Variants in UBE2QL1 observed in about 807,000 individuals in gnomAD.
The protein encoded by UBE2QL1 is ubiquitin-conjugating enzyme E2Q-like protein 1.
UBE2QL1 carries 5 observed loss-of-function variants against 12.6 expected under a neutral mutation model. That is an observed-to-expected ratio of 0.40 (90% CI 0.21 to 0.83). The LOEUF is 0.83. Among genes scored for constraint, UBE2QL1 ranks in the 40% least tolerant of loss-of-function variants. The probability of loss-of-function intolerance (pLI) is 0.37; values close to 1 mark genes in which losing one functional copy is unlikely to be tolerated. For synonymous variants in UBE2QL1, 96 were observed against 94.5 expected (o/e 1.02, Z -0.10); for missense variants, 99 against 222.6 (o/e 0.44, Z 3.53).
chr5:6,477,712 G>A (rs1734264950), intron 1 of UBE2QL1, among the ~76,000 whole-genome samples: 2 of 152,232 alleles, frequency 1.3e-5, no homozygotes, highest in South Asian at 2.1e-4. Context: ...GCAGGGAGAG[G>A]CTGCAGGCGG....
At chr5:6,484,931 C>T (rs1275427108) in intron 1 of UBE2QL1, among the ~76,000 whole-genome samples, 2 of 152,060 alleles carry the variant, frequency 1.3e-5, no homozygotes, top group Non-Finnish European at 2.9e-5. Flanking sequence ...AGAGCCTTCC[C>T]TCAGGTTACT....
chr5:6,491,376 A>C lies in UBE2QL1; in HGVS notation c.*27A>C, dbSNP rs1432345580. 1 of 1,536,596 alleles carries C rather than the reference A, an allele frequency of 6.5e-7. No homozygotes were observed. Among genetic ancestry groups the C allele is most frequent in the Admixed American group, 2.0e-5 (1 of 48,998 alleles). On this transcript the variant is annotated 3_prime_UTR_variant, in exon 2 of 2. Coordinates refer to ENST00000399816, the MANE Select transcript of UBE2QL1 (RefSeq NM_001145161.3). ...GTCTGCCACGTGCAGTAGACGCTCG[A>C]GCGCCTGTCCACACACACACCAGTA... is the stretch of plus-strand genomic sequence containing the variant.
chr5:6,477,275 G>A (rs567672018), intron 1 of UBE2QL1, among the ~76,000 whole-genome samples: 2 of 152,190 alleles, frequency 1.3e-5, no homozygotes, highest in Admixed American at 6.5e-5. Flanking sequence ...AGACCAAGTC[G>A]CCATTTTAGT....
rs1560933296 is a variant in UBE2QL1, at chr5:6,473,629, A to G, written c.355-17589A>G. Among the ~76,000 whole-genome samples, 4 of 152,260 alleles carry G rather than the reference A, an allele frequency of 2.6e-5. No individual in the cohort carries two copies. The South Asian group carries it at 6.2e-4, about 24-fold the overall frequency. On this transcript the variant is annotated intron_variant, in intron 1 of 1. Transcript: ENST00000399816. ...AATAGCTGAGCCTTTAGGATTTTCT[A>G]TGTAGGCAATTCTAGCATCTACAAA...
At position 6,491,484 on chromosome 5, in the gene UBE2QL1, TAAGTTA is replaced by T; in HGVS notation, c.*136_*141del. ...GCATCCTGAATGCCCAGGAGACGTTTAAGTTATTTATGAAAAGATGTGTGTACAGAG... is the reference window on the plus strand; with the variant it reads ...GCATCCTGAATGCCCAGGAGACGTTTTTTATGAAAAGATGTGTGTACAGAG... On this transcript the variant is annotated 3_prime_UTR_variant, in exon 2 of 2. Transcript: ENST00000399816. 8.2e-7 allele frequency: 1 copy of T among 1,216,594 alleles called. No homozygotes were observed. Among genetic ancestry groups the T allele is most frequent in the Non-Finnish European group, 1.1e-6 (1 of 909,944 alleles). 75.4% of individuals were successfully genotyped at this position (1,216,594 alleles called of 1,614,324 possible).
intron 1 of UBE2QL1, among the ~76,000 whole-genome samples, chr5:6,453,337 C>T (rs1739446526): frequency 6.6e-6 from 1 of 152,186 alleles, no homozygotes; most frequent in South Asian, 2.1e-4. Flanking sequence ...GGCCAGGTGC[C>T]ATCCAAGCAC....
intron 1 of UBE2QL1, among the ~76,000 whole-genome samples, chr5:6,484,430 G>A (rs1002015845): frequency 6.6e-6 from 1 of 152,130 alleles, no homozygotes; most frequent in Non-Finnish European, 1.5e-5. Flanking sequence ...ATGCTCTTCT[G>A]CGGTGCCTCT....
chr5:6,455,831 C>T (rs1739509013), intron 1 of UBE2QL1, among the ~76,000 whole-genome samples: 1 of 152,162 alleles, frequency 6.6e-6, no homozygotes, highest in African/African-American at 2.4e-5. Context: ...CCCACCCCAC[C>T]TGGCTCACAC....
In UBE2QL1 at chr5:6,476,273, C is replaced by A. The variant is rs505181; in HGVS notation, c.355-14945C>A. On this transcript the variant is annotated intron_variant, in intron 1 of 1. Transcript: ENST00000399816. The surrounding 1 kb of genome is among the most constrained non-coding windows in gnomAD (Gnocchi z 4.9). ...CACCTCAGCAGCACCTCAGGAGCAG[C>A]CAAGGCATAAAGCAGTCAACGCGGT... Among the ~76,000 whole-genome samples, 95,385 of 152,140 alleles carry A rather than the reference C, an allele frequency of 0.63. 34,317 individuals carry two copies. Among genetic ancestry groups the A allele is most frequent in the East Asian group, 0.91 (4,724 of 5,172 alleles).
chr5:6,485,561 C>T (rs865797865), intron 1 of UBE2QL1, among the ~76,000 whole-genome samples: 2 of 152,160 alleles, frequency 1.3e-5, no homozygotes, highest in Non-Finnish European at 2.9e-5. Flanking sequence ...GTCTTGCACA[C>T]GTTTACAACC....
intron 1 of UBE2QL1, among the ~76,000 whole-genome samples, chr5:6,477,340 G>C (rs1054744706): frequency 6.6e-6 from 1 of 152,152 alleles, no homozygotes; most frequent in Non-Finnish European, 1.5e-5. Flanking sequence ...TGCACTGAAG[G>C]TCAGCCTGCT....
intron 1 of UBE2QL1, 103 bp downstream of exon 1, chr5:6,449,350 G>A (rs965733925): frequency 4.4e-6 from 5 of 1,131,214 alleles, no homozygotes; most frequent in Admixed American, 4.3e-5. Flanking sequence ...GGCCCCTCCG[G>A]CCATCTCGCT....
rs1466768911 is a variant in UBE2QL1 at position 6,476,309 on chromosome 5, C to A, written c.355-14909C>A. ...AGCAGTCAACGCGGTGCCCTCAGGG[C>A]AAATGCACCAAGCATGGTTCCAGCT... is the stretch of plus-strand genomic sequence containing the variant. On this transcript the variant is annotated intron_variant, in intron 1 of 1. Coordinates refer to ENST00000399816, the MANE Select transcript of UBE2QL1 (RefSeq NM_001145161.3). The surrounding 1 kb of genome is among the most constrained non-coding windows in gnomAD (Gnocchi z 4.9). Among the ~76,000 whole-genome samples the A allele has an allele frequency of 6.6e-6, 1 of 152,214 alleles. No homozygotes were observed. The highest frequency in any genetic ancestry group is 1.5e-5 in the Non-Finnish European group (1 of 68,038).
chr5:6,476,174 G>A lies in UBE2QL1; in HGVS notation c.355-15044G>A, dbSNP rs1734227026. ...GGGGCTCCCTTATTCCTAGGAGGCG[G>A]GGCCTGAGCAGGGAGGGGGTGGGGT... On this transcript the variant is annotated intron_variant, in intron 1 of 1. Transcript: ENST00000399816. The surrounding 1 kb of genome is among the most constrained non-coding windows in gnomAD (Gnocchi z 4.9). Among the ~76,000 whole-genome samples, 1 of 151,974 alleles carries A rather than the reference G, an allele frequency of 6.6e-6. No homozygotes were observed. Among genetic ancestry groups the A allele is most frequent in the African/African-American group, 2.4e-5 (1 of 41,346 alleles).
At chr5:6,472,789 A>T (rs1011771104) in intron 1 of UBE2QL1, among the ~76,000 whole-genome samples, 6 of 152,086 alleles carry the variant, frequency 3.9e-5, no homozygotes, top group African/African-American at 1.4e-4. Flanking sequence ...CTAATTTTGA[A>T]CAAGTTACAT....
rs908620601 is a variant in UBE2QL1, at chr5:6,481,006, A to G, written c.355-10212A>G. Among the ~76,000 whole-genome samples, 5 of 152,206 alleles carry G rather than the reference A, an allele frequency of 3.3e-5. No individual in the cohort carries two copies. The highest frequency in any genetic ancestry group is 6.5e-5 in the Admixed American group (1 of 15,280). On this transcript the variant is annotated intron_variant, in intron 1 of 1. Coordinates refer to ENST00000399816, the MANE Select transcript of UBE2QL1 (RefSeq NM_001145161.3). The surrounding 1 kb of genome is among the most constrained non-coding windows in gnomAD (Gnocchi z 4.5). ...TTTTTAAAGAACCAGATTTTTCTTAATGTGTAAAGAGTGCTAAAAAATAAG... is the reference window on the plus strand; with the variant it reads ...TTTTTAAAGAACCAGATTTTTCTTAGTGTGTAAAGAGTGCTAAAAAATAAG...
intron 1 of UBE2QL1, among the ~76,000 whole-genome samples, chr5:6,450,386 G>T (rs1290685906): frequency 6.6e-6 from 1 of 152,206 alleles, no homozygotes; most frequent in Non-Finnish European, 1.5e-5. Context: ...GGGTGAGTGC[G>T]TGATGGTGTT....
chr5:6,464,486 T>C (rs923523179), intron 1 of UBE2QL1, among the ~76,000 whole-genome samples: 1 of 152,222 alleles, frequency 6.6e-6, no homozygotes, highest in Non-Finnish European at 1.5e-5. Context: ...TGAAGGTCTT[T>C]ATCAGAAGTA....
At chr5:6,477,715 G>A (rs1298313914) in intron 1 of UBE2QL1, among the ~76,000 whole-genome samples, 1 of 152,232 alleles carries the variant, frequency 6.6e-6, no homozygotes, top group Non-Finnish European at 1.5e-5. Context: ...GGGAGAGGCT[G>A]CAGGCGGGAA....
Sources: allele counts gnomAD v4.1 joint callset (sites outside exome capture counted in the v4.1 genomes callset), GRCh38; gene constraint gnomAD v4.1.1; non-coding constraint Gnocchi (gnomAD v3.1); transcripts MANE v1.5; gene names NCBI Gene and HGNC (gene_info 2026-07-23, HGNC 2026-07-21).